PLSCR4: variants seen among roughly 807,000 people sequenced by gnomAD.
PLSCR4 encodes the protein phospholipid scramblase 4.
Under a neutral mutation model 36.3 loss-of-function variants are expected in PLSCR4, and 25 were observed. The observed-to-expected ratio is 0.69, with a 90% CI of 0.50 to 0.96. The LOEUF (loss-of-function observed/expected upper bound fraction) is 0.96, where lower values mean the gene tolerates loss of function less well. Among genes scored for constraint, PLSCR4 ranks in the 40% least tolerant of loss-of-function variants. The pLI is 0.00. For missense variants in PLSCR4, 408 were observed against 414.7 expected, an observed-to-expected ratio of 0.98 and a Z score of 0.14; for synonymous variants, 122 against 132.9, an observed-to-expected ratio of 0.92 and a Z score of 0.56.
intron 3 of PLSCR4, among the ~76,000 whole-genome samples, chr3:146,211,070 T>C (rs1030317968): frequency 6.6e-6 from 1 of 152,094 alleles, no homozygotes; most frequent in African/African-American, 2.4e-5. Context: ...GGACATGTTT[T>C]CAGTTCTCTA....
intron 3 of PLSCR4, among the ~76,000 whole-genome samples, chr3:146,207,631 A>C (rs1367090281): frequency 6.6e-6 from 1 of 151,932 alleles, no homozygotes; most frequent in Non-Finnish European, 1.5e-5. Flanking sequence ...TTTTGATTTA[A>C]TTTTCTCTGA....
At chr3:146,219,350 G>C (rs1238619601) in intron 3 of PLSCR4, among the ~76,000 whole-genome samples, 1 of 152,120 alleles carries the variant, frequency 6.6e-6, no homozygotes, top group Non-Finnish European at 1.5e-5. Context: ...AGAGTAATTG[G>C]TAAATATAAG....
chr3:146,219,889 A>C (rs2035060798), intron 3 of PLSCR4, among the ~76,000 whole-genome samples: 2 of 152,096 alleles, frequency 1.3e-5, no homozygotes, highest in South Asian at 2.1e-4. Flanking sequence ...GTGGTGAGCC[A>C]AGATCGCACC....
At chr3:146,246,930 G>C in intron 1 of PLSCR4, among the ~76,000 whole-genome samples, 1 of 152,038 alleles carries the variant, frequency 6.6e-6, no homozygotes, top group South Asian at 2.1e-4. Flanking sequence ...TTTCCCATTT[G>C]AAAAGGCAAC....
At chr3:146,225,561 T>C (rs2035422154) in intron 1 of PLSCR4, among the ~76,000 whole-genome samples, 1 of 152,132 alleles carries the variant, frequency 6.6e-6, no homozygotes, top group South Asian at 2.1e-4. Flanking sequence ...AGGCAGCAGG[T>C]CCCGAGCCCC....
chr3:146,204,760 G>C (rs183900219), intron 4 of PLSCR4, among the ~76,000 whole-genome samples: 1 of 152,096 alleles, frequency 6.6e-6, no homozygotes, highest in East Asian at 1.9e-4. Flanking sequence ...GAAGATGTTA[G>C]ATTCCCAAGA....
chr3:146,246,819 A>T (rs2036357190), intron 1 of PLSCR4, among the ~76,000 whole-genome samples: 1 of 152,170 alleles, frequency 6.6e-6, no homozygotes, highest in African/African-American at 2.4e-5. Flanking sequence ...TAAAAAACAG[A>T]TGTTATGTGC....
intron 3 of PLSCR4, among the ~76,000 whole-genome samples, chr3:146,214,283 G>A (rs1319491811): frequency 1.9e-5 from 1 of 52,790 alleles, no homozygotes; most frequent in Non-Finnish European, 4.4e-5. Flanking sequence ...CACTACGCCC[G>A]GCTAATTTTT....
At chr3:146,227,932 T>C (rs1432061548) in intron 1 of PLSCR4, among the ~76,000 whole-genome samples, 2 of 152,220 alleles carry the variant, frequency 1.3e-5, no homozygotes, top group African/African-American at 4.8e-5. Context: ...TTAATCTTCC[T>C]TTAAGAATAC....
intron 1 of PLSCR4, among the ~76,000 whole-genome samples, chr3:146,239,176 C>T (rs1427595309): frequency 6.6e-6 from 1 of 152,038 alleles, no homozygotes; most frequent in Admixed American, 6.6e-5. Flanking sequence ...ACAGATGAAA[C>T]AAAATCACTA....
chr3:146,202,685 T>C (rs2034111901), intron 4 of PLSCR4, among the ~76,000 whole-genome samples: 1 of 152,032 alleles, frequency 6.6e-6, no homozygotes, highest in Non-Finnish European at 1.5e-5. Flanking sequence ...TGATGTTCTT[T>C]TTAGTACTTT....
intron 3 of PLSCR4, among the ~76,000 whole-genome samples, chr3:146,217,239 A>G (rs1429314999): frequency 6.6e-6 from 1 of 152,242 alleles, no homozygotes; most frequent in Admixed American, 6.5e-5. Context: ...TTAAGGGATT[A>G]GACAGGAGGG....
intron 1 of PLSCR4, among the ~76,000 whole-genome samples, chr3:146,227,885 T>C (rs569208289): frequency 6.6e-6 from 1 of 152,382 alleles, no homozygotes; most frequent in South Asian, 2.1e-4. Context: ...TTTGTGTTTA[T>C]TATGTAACTG....
At chr3:146,206,483 G>T in intron 4 of PLSCR4, 43 bp downstream of exon 4, 1 of 1,422,104 alleles carries the variant, frequency 7.0e-7, no homozygotes, top group East Asian at 2.3e-5. Flanking sequence ...GGATCCCTAT[G>T]GTCACATTTC....
At chr3:146,233,998 C>T (rs1240037847) in intron 1 of PLSCR4, among the ~76,000 whole-genome samples, 1 of 151,984 alleles carries the variant, frequency 6.6e-6, no homozygotes, top group Non-Finnish European at 1.5e-5. Flanking sequence ...TACCCATGAA[C>T]TAAAAAACCC....
intron 1 of PLSCR4, among the ~76,000 whole-genome samples, chr3:146,225,577 G>A (rs1297961600): frequency 1.3e-5 from 2 of 152,208 alleles, no homozygotes; most frequent in African/African-American, 2.4e-5. Flanking sequence ...GCCCCGCCCC[G>A]CAGGAAGGCA....
chr3:146,244,240 T>C (rs78882787), intron 1 of PLSCR4, among the ~76,000 whole-genome samples: 2,123 of 152,190 alleles, frequency 0.014, 56 homozygotes, highest in African/African-American at 0.049. Context: ...TTATCAAAAA[T>C]ATTGTATAAA....
chr3:146,224,792 A>G (rs1483964448), intron 1 of PLSCR4, among the ~76,000 whole-genome samples: 1 of 151,832 alleles, frequency 6.6e-6, no homozygotes, highest in African/African-American at 2.4e-5. Context: ...CAGGGTACTG[A>G]TTGGTGCATT....
At chr3:146,235,234 G>A (rs1164634699) in intron 1 of PLSCR4, among the ~76,000 whole-genome samples, 2 of 152,098 alleles carry the variant, frequency 1.3e-5, no homozygotes, top group Non-Finnish European at 2.9e-5. Context: ...GGGCCTGGTG[G>A]GAGGTGACTG....
Sources: allele counts gnomAD v4.1 joint callset (sites outside exome capture counted in the v4.1 genomes callset), GRCh38; gene constraint gnomAD v4.1.1; transcripts MANE v1.5; gene names NCBI Gene and HGNC (gene_info 2026-07-23, HGNC 2026-07-21).